GRIP1: variants seen among roughly 807,000 people sequenced by gnomAD.
The protein encoded by GRIP1 is glutamate receptor-interacting protein 1.
In GRIP1, 45 loss-of-function variants were observed where a neutral mutation model predicts 129.9. That is an observed-to-expected ratio of 0.35 (90% CI 0.27 to 0.44). The LOEUF (loss-of-function observed/expected upper bound fraction) is 0.44. Ranked by LOEUF, GRIP1 falls within the 20% of genes least tolerant of loss-of-function variation. The pLI is 1.00. For synonymous variants in GRIP1, 530 were observed against 520.8 expected (o/e 1.02, Z -0.24); for missense variants, 1,196 against 1,396.8 (o/e 0.86, Z 2.29).
intron 7 of GRIP1, among the ~76,000 whole-genome samples, chr12:66,490,943 TA>T (rs2060088999): frequency 1.3e-5 from 2 of 152,048 alleles, no homozygotes. Context: ...TGGCGATTAT[TA>T]AAAAGTCAAG....
chr12:66,443,435 TTTTC>T (rs1165628291), intron 13 of GRIP1, among the ~76,000 whole-genome samples: 1 of 151,762 alleles, frequency 6.6e-6, no homozygotes, highest in East Asian at 1.9e-4. Context: ...AATATTTTTT[TTTTC>T]TTTTCTCTTT....
At chr12:66,828,603 C>T (rs1001763190) in intron 1 of GRIP1, among the ~76,000 whole-genome samples, 10 of 152,082 alleles carry the variant, frequency 6.6e-5, no homozygotes, top group Non-Finnish European at 8.8e-5. Context: ...GAATCAAGTA[C>T]GATTTACCCT....
At chr12:66,607,452 A>G (rs2064588172) in intron 1 of GRIP1, among the ~76,000 whole-genome samples, 2 of 152,178 alleles carry the variant, frequency 1.3e-5, no homozygotes, top group South Asian at 4.1e-4. Flanking sequence ...AAATACTGGG[A>G]CACTCTCTTT....
chr12:66,832,790 A>G (rs1156481471), intron 1 of GRIP1, among the ~76,000 whole-genome samples: 1 of 152,252 alleles, frequency 6.6e-6, no homozygotes, highest in Admixed American at 6.5e-5. Context: ...ATATTATGAC[A>G]ATCAAGTGAT....
intron 1 of GRIP1, among the ~76,000 whole-genome samples, chr12:66,715,827 C>G (rs1036269287): frequency 6.6e-6 from 1 of 151,988 alleles, no homozygotes; most frequent in African/African-American, 2.4e-5. Context: ...GAAATGGTGA[C>G]TATTTGAAAC....
chr12:66,910,817 C>T (rs1408953864), intron 1 of GRIP1, among the ~76,000 whole-genome samples: 1 of 152,140 alleles, frequency 6.6e-6, no homozygotes, highest in Non-Finnish European at 1.5e-5. Context: ...TTCAAGGACT[C>T]AGAGGGTACG....
At chr12:66,815,878 C>CTT (rs1555241813) in intron 1 of GRIP1, among the ~76,000 whole-genome samples, 2 of 140,338 alleles carry the variant, frequency 1.4e-5, no homozygotes, top group African/African-American at 2.8e-5. Context: ...CTCTCTCTCT[C>CTT]TCTTTCTTTC....
chr12:66,834,395 C>T (rs538290948), intron 1 of GRIP1, among the ~76,000 whole-genome samples: 7 of 152,166 alleles, frequency 4.6e-5, no homozygotes, highest in South Asian at 2.1e-4. Flanking sequence ...TTTCACTCCT[C>T]GCTGATAGCT....
intron 13 of GRIP1, among the ~76,000 whole-genome samples, chr12:66,436,239 A>G (rs370283054): frequency 1.3e-5 from 2 of 152,212 alleles, no homozygotes; most frequent in African/African-American, 4.8e-5. Context: ...ACAGTAAGAT[A>G]ACAACCACAC....
At chr12:66,743,590 T>A (rs968954135) in intron 1 of GRIP1, among the ~76,000 whole-genome samples, 2 of 126,930 alleles carry the variant, frequency 1.6e-5, no homozygotes, top group Non-Finnish European at 3.7e-5. Flanking sequence ...TAAATAGGCT[T>A]TTTTTTTGTG....
chr12:66,987,272 G>A (rs1463437633), intron 1 of GRIP1, among the ~76,000 whole-genome samples: 1 of 152,212 alleles, frequency 6.6e-6, no homozygotes, highest in Non-Finnish European at 1.5e-5. Context: ...CAAACACCAA[G>A]AACAGTGCCT....
intron 5 of GRIP1, among the ~76,000 whole-genome samples, chr12:66,520,849 T>A (rs2060979712): frequency 6.6e-6 from 1 of 152,236 alleles, no homozygotes; most frequent in South Asian, 2.1e-4. Context: ...TATATTTTGG[T>A]ACAGTGTTTC....
rs1241855439 is a variant in GRIP1, at chr12:66,432,405, G to A, written c.1768+143C>T. ...ATTCATACAGCCAGTAAGTGCTGGAGGTGTGACTGACTCCACATTTTTGTA... is the reference window on the plus strand; with the variant it reads ...ATTCATACAGCCAGTAAGTGCTGGAAGTGTGACTGACTCCACATTTTTGTA... On this transcript the variant is annotated intron_variant, in intron 14 of 24. Transcript: ENST00000359742. 4.9e-6 allele frequency: 3 copies of A among 614,714 alleles called. No homozygotes were observed. In the African/African-American group the frequency reaches 5.5e-5, roughly 11 times the overall value. The allele number at this position is 614,714 out of a possible 1,614,324, so 38.1% of individuals were successfully genotyped here.
At chr12:66,571,409 C>T (rs918389862) in intron 2 of GRIP1, among the ~76,000 whole-genome samples, 6 of 152,204 alleles carry the variant, frequency 3.9e-5, no homozygotes, top group Admixed American at 2.0e-4. Flanking sequence ...GATATATGCA[C>T]ATATAAGAAC....
intron 1 of GRIP1, among the ~76,000 whole-genome samples, chr12:66,862,333 T>A (rs1592911187): frequency 6.6e-6 from 1 of 152,006 alleles, no homozygotes; most frequent in South Asian, 2.1e-4. Flanking sequence ...CTAATGGTGA[T>A]GAAAAAAGAA....
intron 1 of GRIP1, among the ~76,000 whole-genome samples, chr12:66,625,504 C>T (rs1036069020): frequency 6.6e-6 from 1 of 152,104 alleles, no homozygotes; most frequent in Non-Finnish European, 1.5e-5. Flanking sequence ...TATTGAAATA[C>T]AGTCATTTAT....
chr12:66,749,797 T>C (rs1008354939), intron 1 of GRIP1, among the ~76,000 whole-genome samples: 1 of 152,114 alleles, frequency 6.6e-6, no homozygotes, highest in African/African-American at 2.4e-5. Flanking sequence ...GCATCTTGGA[T>C]GAAGAAAATT....
chr12:66,822,509 C>G (rs1308053545), intron 1 of GRIP1, among the ~76,000 whole-genome samples: 1 of 151,972 alleles, frequency 6.6e-6, no homozygotes, highest in Non-Finnish European at 1.5e-5. Context: ...GGTATATATC[C>G]AAAAGAAAAT....
At chr12:67,064,793 G>A (rs112629717) in intron 1 of GRIP1, among the ~76,000 whole-genome samples, 3,299 of 151,922 alleles carry the variant, frequency 0.022, 116 homozygotes, top group African/African-American at 0.076. Context: ...GGGTACATGT[G>A]CACAATGTGC....
Sources: allele counts gnomAD v4.1 joint callset (sites outside exome capture counted in the v4.1 genomes callset), GRCh38; gene constraint gnomAD v4.1.1; transcripts MANE v1.5; gene names NCBI Gene and HGNC (gene_info 2026-07-23, HGNC 2026-07-21).